EFTUD2: variants seen among roughly 807,000 people sequenced by gnomAD.
EFTUD2 encodes the protein elongation factor Tu GTP binding domain containing 2, also known as 116 kDa U5 small nuclear ribonucleoprotein component.
A neutral mutation model predicts 114.3 loss-of-function variants in EFTUD2; 9 were observed. That is an observed-to-expected ratio of 0.08 (90% CI 0.05 to 0.14). EFTUD2 has a LOEUF of 0.14. Among genes scored for constraint, EFTUD2 ranks in the 10% least tolerant of loss-of-function variants. The pLI is 1.00. For missense variants in EFTUD2, 765 were observed against 1,241.2 expected (o/e 0.62, Z 5.76); for synonymous variants, 449 against 462.3 (o/e 0.97, Z 0.37).
At chr17:44,858,751 T>G (rs138851478) in intron 19 of EFTUD2, among the ~76,000 whole-genome samples, 2 of 152,058 alleles carry the variant, frequency 1.3e-5, no homozygotes, top group Admixed American at 6.6e-5. Flanking sequence ...CCTGGCTATT[T>G]TTTTTATTTT....
chr17:44,855,042 AG>A, intron 20 of EFTUD2, 38 bp from the exon 21 acceptor site: 3 of 1,552,512 alleles, frequency 1.9e-6, no homozygotes, highest in Admixed American at 1.7e-5. Context: ...GACGGCTAAC[AG>A]AACAGCAGAA....
chr17:44,867,475 AT>A (rs1281473586), intron 13 of EFTUD2, among the ~76,000 whole-genome samples: 4 of 151,346 alleles, frequency 2.6e-5, no homozygotes, highest in Non-Finnish European at 2.9e-5. Flanking sequence ...AATTTTTTGT[AT>A]TTTGGTGGAG....
intron 16 of EFTUD2, among the ~76,000 whole-genome samples, chr17:44,862,059 C>T (rs2050669367): frequency 6.6e-6 from 1 of 152,062 alleles, no homozygotes; most frequent in African/African-American, 2.4e-5. Flanking sequence ...TTAAGGAACA[C>T]AGGAGAGGAA....
intron 14 of EFTUD2, 148 bp from the exon 15 acceptor site, chr17:44,863,930 C>A (rs2050701447): frequency 1.9e-6 from 2 of 1,041,076 alleles, no homozygotes; most frequent in Non-Finnish European, 1.3e-6. Context: ...ATAGTGATAG[C>A]CTGCTTCCTG....
Position 44,860,008 on chromosome 17 carries a change from G to A in EFTUD2, c.1757C>T (p.Ser586Phe). 6.2e-7 allele frequency: 1 copy of A among 1,614,204 alleles called. No individual in the cohort carries two copies. The highest frequency in any genetic ancestry group is 8.5e-7 in the Non-Finnish European group (1 of 1,180,048). Residue 586 changes from serine to phenylalanine, a missense_variant, in exon 18 of 28, where the codon TCT becomes TTT. This residue lies in a region of EFTUD2 where 149 missense variants were observed against 245.1 expected (regional missense o/e 0.61). Transcript: ENST00000426333. ...IFRPLKFNTT[S>F]VIKIAVEPVN... is the part of the protein sequence containing the mutation. ...TGGCTCCACAGCAATCTTGATAACA[G>A]ATGTGGTATTGAACTTCAAGGGTCG... is the stretch of plus-strand genomic sequence containing the variant.
chr17:44,894,331 C>T, intron 2 of EFTUD2, 86 bp downstream of exon 2: 1 of 1,161,010 alleles, frequency 8.6e-7, no homozygotes, highest in Non-Finnish European at 1.3e-6. Flanking sequence ...GATTGCGCCA[C>T]TGCACTCCAA....
chr17:44,860,604 T>A, intron 16 of EFTUD2, 61 bp from the exon 17 acceptor site: 1 of 1,109,964 alleles, frequency 9.0e-7, no homozygotes, highest in Non-Finnish European at 1.3e-6. Context: ...AATTTTTTTT[T>A]TTTTTTTTTT....
Position 44,854,707 on chromosome 17 carries a change from G to A in EFTUD2, c.2133-25C>T, listed in dbSNP as rs2050516025. ...CCTGGGGAAGGGAGGAGACAATGGA[G>A]CTGTCAGCCAGCTCTGTGATTGCTG... On this transcript the variant is annotated intron_variant, in intron 21 of 27. Transcript: ENST00000426333. This position sits in a 1 kb window ranked among gnomAD's most constrained non-coding sequence, Gnocchi z 4.3. The A allele has an allele frequency of 6.2e-7, 1 of 1,606,362 alleles. No individual in the cohort carries two copies. The highest frequency in any genetic ancestry group is 1.3e-5 in the African/African-American group (1 of 74,944).
At chr17:44,859,041 C>T (rs2050608330) in intron 19 of EFTUD2, 39 bp downstream of exon 19, 2 of 1,365,496 alleles carry the variant, frequency 1.5e-6, no homozygotes, top group South Asian at 2.3e-5. Context: ...TGTGAAAAGT[C>T]TGGACCGTGA....
chr17:44,860,113 AG>A, intron 17 of EFTUD2, 68 bp from the exon 18 acceptor site: 1 of 1,606,606 alleles, frequency 6.2e-7, no homozygotes, highest in Non-Finnish European at 8.5e-7. Context: ...CAGAGGTATG[AG>A]AAGAGAAGAG....
rs372890927 is a variant in EFTUD2 at position 44,886,695 on chromosome 17, C to T, written c.161G>A (p.Gly54Glu). The T allele has an allele frequency of 2.4e-5, 39 of 1,614,030 alleles. No individual in the cohort carries two copies. The highest frequency in any genetic ancestry group is 3.2e-5 in the Non-Finnish European group (38 of 1,180,034). Residue 54 changes from glycine to glutamate, a missense_variant, in exon 3 of 28, where the codon GGG becomes GAG. This residue lies in a region of EFTUD2 where 121 missense variants were observed against 133.7 expected (regional missense o/e 0.90). Coordinates refer to ENST00000426333, the MANE Select transcript of EFTUD2 (RefSeq NM_004247.4). ...DVGDHDDDHP[G>E]MEVVLHEDKK... ...GTCCTCATGCAGCACCACCTCCATC[C>T]CAGGGTGGTCATCGTCATGATCTCC...
chr17:44,857,997 C>T (rs1035484306), intron 19 of EFTUD2, among the ~76,000 whole-genome samples: 2 of 145,332 alleles, frequency 1.4e-5, no homozygotes, highest in African/African-American at 5.2e-5. Flanking sequence ...TCTTGGCTCA[C>T]TGCAACCTCT....
chr17:44,886,716 T>C lies in EFTUD2; in HGVS notation c.140A>G (p.Asp47Gly). The C allele has an allele frequency of 6.2e-7, 1 of 1,614,040 alleles. No homozygotes were observed. Among genetic ancestry groups the C allele is most frequent in the Non-Finnish European group, 8.5e-7 (1 of 1,179,992 alleles). ...DDDDDDDDVG[D>G]HDDDHPGMEV... ...CATCCCAGGGTGGTCATCGTCATGA[T>C]CTCCTACGTCATCGTCGTCGTCATC... The change falls in exon 3 of 28, where the codon GAT becomes GGT. Residue 47 changes from aspartate (D) to glycine (G), a missense_variant. Asp to Gly is a moderately conservative substitution (Grantham distance 94). Around this residue, in one of 6 missense-constraint regions of EFTUD2, gnomAD observed 121 missense variants for 133.7 expected, o/e 0.90. Transcript: ENST00000426333.
chr17:44,860,089 A>C (rs1262011394), intron 17 of EFTUD2, 44 bp from the exon 18 acceptor site: 2 of 1,613,906 alleles, frequency 1.2e-6, no homozygotes, highest in African/African-American at 2.7e-5. Flanking sequence ...TGGCATGAGC[A>C]GGCACAGAAA....
intron 20 of EFTUD2, 77 bp from the exon 21 acceptor site, chr17:44,855,081 G>A: frequency 7.6e-7 from 1 of 1,312,426 alleles, no homozygotes; most frequent in Non-Finnish European, 1.1e-6. Flanking sequence ...AGGGTAACAA[G>A]ACGGACAGCT....
At chr17:44,869,081 G>A (rs1240364455) in intron 11 of EFTUD2, among the ~76,000 whole-genome samples, 1 of 152,132 alleles carries the variant, frequency 6.6e-6, no homozygotes, top group Non-Finnish European at 1.5e-5. Flanking sequence ...GAATGCACTG[G>A]CTTTTCCCGA....
At chr17:44,896,370 G>A (rs1407787048) in intron 1 of EFTUD2, among the ~76,000 whole-genome samples, 1 of 152,206 alleles carries the variant, frequency 6.6e-6, no homozygotes, top group Non-Finnish European at 1.5e-5. Context: ...TTAACTGGCT[G>A]GGCACAGTGG....
Position 44,855,105 on chromosome 17 carries a change from C to T in EFTUD2, c.2046-101G>A, listed in dbSNP as rs541118884. 21 of 1,092,222 alleles carry T rather than the reference C, an allele frequency of 1.9e-5. No individual in the cohort carries two copies. The South Asian group carries it at 2.1e-4, about 11-fold the overall frequency. 67.7% of individuals were successfully genotyped at this position (1,092,222 alleles called of 1,614,324 possible). ...AGACGGACAGCTGAGGAAGTGACAT[C>T]AGTGAAAGCCACAGGGGCCAAGCGT... is the stretch of plus-strand genomic sequence containing the variant. On this transcript the variant is annotated intron_variant, in intron 20 of 27. Transcript: ENST00000426333.
chr17:44,853,966 G>A, intron 23 of EFTUD2: 1 of 1,355,586 alleles, frequency 7.4e-7, no homozygotes, highest in Non-Finnish European at 9.5e-7. Flanking sequence ...GCCCAATCAG[G>A]GTCTATAAAC....
Sources: allele counts gnomAD v4.1 joint callset (sites outside exome capture counted in the v4.1 genomes callset), GRCh38; gene constraint gnomAD v4.1.1; regional missense constraint gnomAD v4.1.1; non-coding constraint Gnocchi (gnomAD v3.1); transcripts MANE v1.5; gene names NCBI Gene and HGNC (gene_info 2026-07-23, HGNC 2026-07-21).